The following ECM2 variants were observed in gnomAD, a reference collection of about 807,000 sequenced individuals.
The protein encoded by ECM2 is extracellular matrix protein 2, female organ and adipocyte specific.
In ECM2, 57 loss-of-function variants were observed where a neutral mutation model predicts 67.5. The observed-to-expected ratio is 0.84, with a 90% CI of 0.68 to 1.05. The LOEUF is 1.05. ECM2 is among the 50% of genes least tolerant of loss of function. The pLI is 0.00. For synonymous variants in ECM2, 258 were observed against 294.5 expected, an observed-to-expected ratio of 0.88 and a Z score of 1.27; for missense variants, 741 against 822.8, an observed-to-expected ratio of 0.90 and a Z score of 1.22.
intron 8 of ECM2, among the ~76,000 whole-genome samples, chr9:92,501,389 A>G (rs531040475): frequency 1.3e-5 from 2 of 152,278 alleles, no homozygotes; most frequent in African/African-American, 4.8e-5. Flanking sequence ...TCCAAAATGA[A>G]ATCCCGTGAA....
chr9:92,514,314 G>A (rs2131205202), intron 4 of ECM2, among the ~76,000 whole-genome samples: 1 of 146,624 alleles, frequency 6.8e-6, no homozygotes, highest in East Asian at 2.0e-4. Context: ...TCGCTCAAGT[G>A]CCCAGGCTAG....
At chr9:92,494,909 AAAT>A (rs1014394868), downstream of ECM2, among the ~76,000 whole-genome samples, 49 of 152,132 alleles carry the variant, frequency 3.2e-4, no homozygotes, top group Admixed American at 1.4e-3. Context: ...CCGTCTAAAA[AAAT>A]AATAATAATA....
chr9:92,533,314 A>ATAT (rs1848934895), intron 1 of ECM2, among the ~76,000 whole-genome samples: 32 of 94,992 alleles, frequency 3.4e-4, no homozygotes, highest in African/African-American at 1.3e-3. Flanking sequence ...AAAAAAAAAA[A>ATAT]AAAAAAAAAA....
At chr9:92,510,192 A>G (rs906429482) in intron 5 of ECM2, among the ~76,000 whole-genome samples, 158 bp from the exon 6 acceptor site, 3 of 152,196 alleles carry the variant, frequency 2.0e-5, no homozygotes. Context: ...TCCCCCTGCC[A>G]GGTTGATATT....
In ECM2 at chr9:92,505,681, T is replaced by A; in HGVS notation, c.1316A>T (p.Gln439Leu). ...TCCTTCCAATTCTAAGGTGACCAACTGATTTAAGTCTATAAAAAATAAAAG... is the reference window on the plus strand; with the variant it reads ...TCCTTCCAATTCTAAGGTGACCAACAGATTTAAGTCTATAAAAAATAAAAG... ...IDEESLSDLN[Q>L]LVTLELEGNN... is the part of the protein sequence containing the mutation. Residue 439 changes from glutamine to leucine, a missense_variant, in exon 7 of 10, where the codon CAG becomes CTG. Gln to Leu is a moderately radical substitution (Grantham distance 113). Transcript: ENST00000344604. The A allele has an allele frequency of 6.3e-7, 1 of 1,578,016 alleles. No individual in the cohort carries two copies. Among genetic ancestry groups the A allele is most frequent in the Non-Finnish European group, 8.6e-7 (1 of 1,169,330 alleles).
intron 1 of ECM2, among the ~76,000 whole-genome samples, chr9:92,523,266 T>A (rs918008028): frequency 1.3e-5 from 2 of 152,126 alleles, no homozygotes; most frequent in African/African-American, 4.8e-5. Context: ...GTATCTTACC[T>A]TTATCTTTAG....
chr9:92,557,871 C>T, the ECM2 span, among the ~76,000 whole-genome samples: 1 of 152,094 alleles, frequency 6.6e-6, no homozygotes, highest in East Asian at 1.9e-4. Flanking sequence ...TCTCGATCTC[C>T]TGACCTTGTG....
intron 7 of ECM2, 119 bp from the exon 8 acceptor site, chr9:92,502,771 G>T: frequency 1.7e-5 from 13 of 781,522 alleles, no homozygotes; most frequent in South Asian, 7.7e-5. Flanking sequence ...GAGTCTTACT[G>T]CTCTTTCAAG....
chr9:92,549,223 C>G, the ECM2 span, among the ~76,000 whole-genome samples: 1 of 152,160 alleles, frequency 6.6e-6, no homozygotes, highest in African/African-American at 2.4e-5. Flanking sequence ...GAACTAGAAT[C>G]AATGGACAGA....
chr9:92,551,398 C>T, the ECM2 span, among the ~76,000 whole-genome samples: 1 of 152,148 alleles, frequency 6.6e-6, no homozygotes, highest in Non-Finnish European at 1.5e-5. Context: ...ACTGTAGTGG[C>T]ACAACCATGG....
chr9:92,532,043 T>TTTTTTTTTTTTTTTA (rs1303915728), intron 1 of ECM2, among the ~76,000 whole-genome samples: 2 of 145,124 alleles, frequency 1.4e-5, no homozygotes, highest in Non-Finnish European at 3.0e-5. Flanking sequence ...TATTTTTTTT[T>TTTTTTTTTTTTTTTA]TGAGATGAGG....
chr9:92,517,672 G>C lies in ECM2; in HGVS notation c.481+15C>G, dbSNP rs765276280. 7 of 1,613,834 alleles carry C rather than the reference G, an allele frequency of 4.3e-6. No homozygotes were observed. The African/African-American group carries it at 5.3e-5, about 12-fold the overall frequency. On this transcript the variant is annotated intron_variant, in intron 3 of 9. Coordinates refer to ENST00000344604, the MANE Select transcript of ECM2 (RefSeq NM_001393.4). Reference sequence around the variant, plus strand: ...TAATCACACACTGATATTTTGCTTAGCTAAATCTCTGTACCAGTAGCGGAG... The same window carrying C: ...TAATCACACACTGATATTTTGCTTACCTAAATCTCTGTACCAGTAGCGGAG...
chr9:92,496,365 A>C lies in ECM2; in HGVS notation c.2050T>G (p.Cys684Gly). Reference sequence around the variant, plus strand: ...ACGATACTTGAGTATGATCTTATGCATGAAAATGTGTAAGATGGTATTTCT... The same window carrying C: ...ACGATACTTGAGTATGATCTTATGCCTGAAAATGTGTAAGATGGTATTTCT... ...IREIPSYTFS[C>G]IRSYSSIVLK... The change falls in exon 10 of 10, where the codon TGC (cysteine) becomes GGC (glycine). Residue 684 changes from cysteine (C) to glycine (G), a missense_variant. Physicochemically the swap from Cys to Gly is radical, Grantham distance 159 (BLOSUM62 -3). Transcript: ENST00000344604. 1.9e-6 allele frequency: 3 copies of C among 1,606,326 alleles called. No homozygotes were observed. Among genetic ancestry groups the C allele is most frequent in the Non-Finnish European group, 2.5e-6 (3 of 1,177,608 alleles).
chr9:92,518,641 A>T (rs988607634), intron 2 of ECM2, among the ~76,000 whole-genome samples: 1 of 152,186 alleles, frequency 6.6e-6, no homozygotes. Flanking sequence ...TCATGCCTGT[A>T]ATCCCAGCAC....
chr9:92,507,822 C>T (rs1054880027), intron 6 of ECM2, among the ~76,000 whole-genome samples: 4 of 152,294 alleles, frequency 2.6e-5, no homozygotes, highest in African/African-American at 7.2e-5. Context: ...CTCCATAACA[C>T]GTGTGCACAT....
At chr9:92,555,626 A>G in the ECM2 span, among the ~76,000 whole-genome samples, 4 of 151,940 alleles carry the variant, frequency 2.6e-5, no homozygotes, top group African/African-American at 9.7e-5. Context: ...GGAAGATTGT[A>G]TTTTTCCAGG....
At chr9:92,527,511 C>T (rs1274449272) in intron 1 of ECM2, among the ~76,000 whole-genome samples, 1 of 152,158 alleles carries the variant, frequency 6.6e-6, no homozygotes, top group African/African-American at 2.4e-5. Context: ...TCACATTTCT[C>T]AGAATGTATC....
intron 2 of ECM2, among the ~76,000 whole-genome samples, chr9:92,519,686 G>C (rs977700106): frequency 6.6e-6 from 1 of 151,410 alleles, no homozygotes; most frequent in Admixed American, 6.6e-5. Flanking sequence ...CTTATATTTA[G>C]ACCTTTGCTG....
chr9:92,535,593 T>G (rs1159336628), intron 1 of ECM2, among the ~76,000 whole-genome samples: 1 of 152,160 alleles, frequency 6.6e-6, no homozygotes, highest in Admixed American at 6.5e-5. Flanking sequence ...TTATCTATTT[T>G]CACTTCATTC....
Sources: allele counts gnomAD v4.1 joint callset (sites outside exome capture counted in the v4.1 genomes callset), GRCh38; gene constraint gnomAD v4.1.1; transcripts MANE v1.5; gene names NCBI Gene and HGNC (gene_info 2026-07-23, HGNC 2026-07-21).